Variants in OOSP3 observed in about 807,000 individuals in gnomAD.
OOSP3 encodes the protein oocyte secreted protein family member 3.
intron 1 of OOSP3, 100 bp from the exon 2 acceptor site, chr11:59,880,161 G>A: frequency 2.5e-6 from 1 of 396,588 alleles, no homozygotes; most frequent in Non-Finnish European, 4.4e-6. Context: ...TTACAGTGGT[G>A]TATATACATA....
At chr11:59,885,052 T>C (rs992702253) in intron 2 of OOSP3, among the ~76,000 whole-genome samples, 20 of 152,228 alleles carry the variant, frequency 1.3e-4, no homozygotes, top group African/African-American at 4.8e-4. Flanking sequence ...TGCCCTTTTA[T>C]CTTTGGTTGT....
chr11:59,894,541 G>T (rs1853339483), intron 3 of OOSP3, among the ~76,000 whole-genome samples: 1 of 152,198 alleles, frequency 6.6e-6, no homozygotes, highest in Admixed American at 6.5e-5. Flanking sequence ...TTGGAGGCAG[G>T]ATTTGACTTT....
At chr11:59,880,192 A>G (rs1853186855) in intron 1 of OOSP3, 69 bp from the exon 2 acceptor site, 1 of 397,484 alleles carries the variant, frequency 2.5e-6, no homozygotes, top group South Asian at 1.4e-4. Flanking sequence ...TGCTATGTTC[A>G]GACTTTCTCT....
chr11:59,889,141 C>T (rs930241009), intron 2 of OOSP3, among the ~76,000 whole-genome samples: 7 of 151,634 alleles, frequency 4.6e-5, no homozygotes, highest in African/African-American at 1.2e-4. Context: ...GTGGTGGTAT[C>T]CCCCTTATCA....
intron 2 of OOSP3, among the ~76,000 whole-genome samples, chr11:59,881,319 C>G (rs574257384): frequency 6.6e-6 from 1 of 150,906 alleles, no homozygotes; most frequent in Non-Finnish European, 1.5e-5. Flanking sequence ...GAGCCAAGAT[C>G]ATGCCACTGC....
chr11:59,895,220 G>A (rs774926243), intron 3 of OOSP3, among the ~76,000 whole-genome samples: 1 of 151,176 alleles, frequency 6.6e-6, no homozygotes, highest in African/African-American at 2.4e-5. Flanking sequence ...AGATTGTCTC[G>A]GGAATTTTAT....
chr11:59,881,619 C>A (rs570179102), intron 2 of OOSP3, among the ~76,000 whole-genome samples: 7 of 152,116 alleles, frequency 4.6e-5, no homozygotes, highest in Admixed American at 2.0e-4. Context: ...TACAATATGA[C>A]AAAAATAGTA....
intron 4 of OOSP3, 81 bp from the exon 5 acceptor site, chr11:59,896,052 G>A (rs112945018): frequency 2.5e-6 from 1 of 397,066 alleles, no homozygotes; most frequent in Non-Finnish European, 4.4e-6. Context: ...CAATATATTA[G>A]TCAATGTGTT....
chr11:59,894,462 T>A (rs1417301813), intron 3 of OOSP3, among the ~76,000 whole-genome samples: 1 of 152,100 alleles, frequency 6.6e-6, no homozygotes, highest in Non-Finnish European at 1.5e-5. Context: ...AACAAATACT[T>A]CCCACTCTCA....
intron 2 of OOSP3, among the ~76,000 whole-genome samples, chr11:59,885,759 C>A (rs576143916): frequency 6.6e-6 from 1 of 152,128 alleles, no homozygotes; most frequent in African/African-American, 2.4e-5. Flanking sequence ...TACGTACATT[C>A]ATAAGGTACA....
At chr11:59,884,728 T>A (rs1853236957) in intron 2 of OOSP3, among the ~76,000 whole-genome samples, 1 of 152,184 alleles carries the variant, frequency 6.6e-6, no homozygotes, top group Non-Finnish European at 1.5e-5. Flanking sequence ...GGTCTCGAAC[T>A]CCTGACCTCA....
intron 2 of OOSP3, among the ~76,000 whole-genome samples, chr11:59,892,031 A>C (rs995108298): frequency 6.6e-6 from 1 of 152,138 alleles, no homozygotes; most frequent in African/African-American, 2.4e-5. Flanking sequence ...CTCTTGCCTC[A>C]CTGGAGTTCC....
chr11:59,896,438 TATGTGGAGTTGATCTTACAAATAAA>T, exon 5 of OOSP3: 1 of 329,148 alleles, frequency 3.0e-6, no homozygotes, highest in Admixed American at 4.8e-5. Context: ...GTATAATTTG[TATGTGGAGTTGATCTTACAAATAAA>T]ATGTGCTGTC....
chr11:59,887,906 A>T (rs951103519), intron 2 of OOSP3, among the ~76,000 whole-genome samples: 7 of 152,112 alleles, frequency 4.6e-5, no homozygotes, highest in Non-Finnish European at 8.8e-5. Context: ...GGGCATTTTT[A>T]CGATATTGAT....
At chr11:59,891,911 G>A (rs1853315938) in intron 2 of OOSP3, among the ~76,000 whole-genome samples, 1 of 152,224 alleles carries the variant, frequency 6.6e-6, no homozygotes, top group Non-Finnish European at 1.5e-5. Context: ...GGCCAGTGGG[G>A]AATCCAAGCC....
chr11:59,893,715 A>G (rs1177911998), intron 2 of OOSP3, among the ~76,000 whole-genome samples: 2 of 152,162 alleles, frequency 1.3e-5, no homozygotes, highest in Non-Finnish European at 1.5e-5. Context: ...CAAATCTCCA[A>G]TTGGTTCAAT....
At chr11:59,883,077 T>C (rs1053289848) in intron 2 of OOSP3, among the ~76,000 whole-genome samples, 7 of 152,188 alleles carry the variant, frequency 4.6e-5, no homozygotes, top group African/African-American at 1.7e-4. Flanking sequence ...AGGACTGAAA[T>C]TTCTAGCTCA....
intron 2 of OOSP3, among the ~76,000 whole-genome samples, chr11:59,883,095 A>G (rs947063559): frequency 6.6e-6 from 1 of 152,054 alleles, no homozygotes; most frequent in Non-Finnish European, 1.5e-5. Flanking sequence ...TCAAATGGTA[A>G]CTCTATATTT....
At chr11:59,884,532 A>G (rs1477195648) in intron 2 of OOSP3, among the ~76,000 whole-genome samples, 2 of 138,744 alleles carry the variant, frequency 1.4e-5, no homozygotes, top group African/African-American at 5.4e-5. Flanking sequence ...TGCAGTCTTA[A>G]TCTGTTGCCC....
Sources: allele counts gnomAD v4.1 joint callset (sites outside exome capture counted in the v4.1 genomes callset), GRCh38; gene constraint gnomAD v4.1.1; transcripts MANE v1.5; gene names NCBI Gene and HGNC (gene_info 2026-07-23, HGNC 2026-07-21).